Variants in MPHOSPH9 observed in about 807,000 individuals in gnomAD.
The protein encoded by MPHOSPH9 is M-phase phosphoprotein 9.
A neutral mutation model predicts 145.5 loss-of-function variants in MPHOSPH9; 88 were observed. The observed-to-expected ratio is 0.60, with a 90% CI of 0.51 to 0.72. The LOEUF is 0.72. MPHOSPH9 is among the 30% of genes least tolerant of loss of function. The pLI is 0.00. For missense variants in MPHOSPH9, 1,238 were observed against 1,386.6 expected (o/e 0.89, Z 1.70); for synonymous variants, 435 against 486.2 (o/e 0.89, Z 1.39).
Position 123,223,072 on chromosome 12 carries a change from A to G in MPHOSPH9, c.314T>C (p.Val105Ala), listed in dbSNP as rs2047280752. ...GTTGTGGAACTGCTCCTGCTGGGCAACTATCTGTTCTTGGCATTGTTTTTC... is the reference window on the plus strand; with the variant it reads ...GTTGTGGAACTGCTCCTGCTGGGCAGCTATCTGTTCTTGGCATTGTTTTTC... Reference protein sequence around the residue: ...LVEKQCQEQIVAQQEQFHNQI... With the variant: ...LVEKQCQEQIAAQQEQFHNQI... Residue 105 changes from valine to alanine, a missense_variant, in exon 4 of 24, where the codon GTT becomes GCT. Val to Ala is a moderately conservative substitution (Grantham distance 64). Coordinates refer to ENST00000606320, the MANE Select transcript of MPHOSPH9 (RefSeq NM_022782.4). 6.6e-7 allele frequency: 1 copy of G among 1,513,456 alleles called. No homozygotes were observed. The highest frequency in any genetic ancestry group is 1.4e-5 in the African/African-American group (1 of 71,786). The allele number at this position is 1,513,456 out of a possible 1,614,324, so 93.8% of individuals were successfully genotyped here.
chr12:123,178,193 C>T (rs536414429), intron 15 of MPHOSPH9, among the ~76,000 whole-genome samples: 10 of 152,326 alleles, frequency 6.6e-5, no homozygotes, highest in Non-Finnish European at 1.0e-4. Context: ...TGGTGCATAC[C>T]GCCATGCCTG....
chr12:123,198,280 A>C lies in MPHOSPH9; in HGVS notation c.1992T>G (p.Leu664=), dbSNP rs773107235. 6.2e-7 allele frequency: 1 copy of C among 1,611,946 alleles called. No homozygotes were observed. Among genetic ancestry groups the C allele is most frequent in the Non-Finnish European group, 8.5e-7 (1 of 1,178,834 alleles). Reference sequence around the variant, plus strand: ...TTTCCAGTAAGTTATTCTTATTTTCAAGTGTTCTCACGCGACTAGTAGCTT... The same window carrying C: ...TTTCCAGTAAGTTATTCTTATTTTCCAGTGTTCTCACGCGACTAGTAGCTT... The part of the protein sequence containing the change: ...LHEATSRVRT[L]ENKNNLLEIE... Residue 664 remains leucine (L), a synonymous_variant, in exon 12 of 24, where the codon CTT becomes CTG. Transcript: ENST00000606320.
intron 23 of MPHOSPH9, among the ~76,000 whole-genome samples, chr12:123,157,957 T>C (rs1044261145): frequency 6.6e-6 from 1 of 152,152 alleles, no homozygotes; most frequent in Non-Finnish European, 1.5e-5. Context: ...TTTTTCTGCA[T>C]ACATATATAT....
In MPHOSPH9 at chr12:123,179,977, G is replaced by T; in HGVS notation, c.2303C>A (p.Thr768Lys). 7.0e-7 allele frequency: 1 copy of T among 1,433,848 alleles called. No homozygotes were observed. Among genetic ancestry groups the T allele is most frequent in the Non-Finnish European group, 9.4e-7 (1 of 1,060,318 alleles). The allele number at this position is 1,433,848 out of a possible 1,614,324, so 88.8% of individuals were successfully genotyped here. The part of the protein sequence containing the change: ...EHRRVKDALN[T>K]TENKLLDAYT... ...TGCATCAAGCAATTTGTTCTCAGTT[G>T]TATTTAATGCATCCTATGGAAATAA... Residue 768 changes from threonine (T) to lysine (K), a missense_variant, in exon 15 of 24, where the codon ACA becomes AAA. This residue lies in a region of MPHOSPH9 where 837 missense variants were observed against 897.5 expected (regional missense o/e 0.93). Transcript: ENST00000606320.
chr12:123,183,407 G>T (rs2045284519), intron 13 of MPHOSPH9, among the ~76,000 whole-genome samples: 1 of 151,842 alleles, frequency 6.6e-6, no homozygotes, highest in African/African-American at 2.4e-5. Flanking sequence ...AATTAGTCAG[G>T]TGTGGTGGCA....
chr12:123,203,391 C>T lies in MPHOSPH9; in HGVS notation c.1195-16G>A. 1.3e-6 allele frequency: 2 copies of T among 1,564,294 alleles called. No homozygotes were observed. The highest frequency in any genetic ancestry group is 8.7e-7 in the Non-Finnish European group (1 of 1,152,478). On this transcript the variant is annotated splice_polypyrimidine_tract_variant and intron_variant, in intron 8 of 23. Transcript: ENST00000606320. ...TAGTATTAGACTTAAAGATACGAAA[C>T]AAAATTAAATGGTGTTATCAATAAT...
chr12:123,165,490 T>C lies in MPHOSPH9; in HGVS notation c.2592-13A>G. On this transcript the variant is annotated splice_polypyrimidine_tract_variant and intron_variant, in intron 17 of 23. Coordinates refer to ENST00000606320, the MANE Select transcript of MPHOSPH9 (RefSeq NM_022782.4). The stretch of plus-strand genomic sequence containing the variant: ...AGGTGAACGGTGCCTTAAACAATAA[T>C]TTTAAGACATACAGTGCTATGGACT... 5 of 1,609,534 alleles carry C rather than the reference T, an allele frequency of 3.1e-6. No homozygotes were observed. The highest frequency in any genetic ancestry group is 4.2e-6 in the Non-Finnish European group (5 of 1,177,440).
chr12:123,215,815 A>C (rs1485749738), intron 6 of MPHOSPH9, among the ~76,000 whole-genome samples: 1 of 152,230 alleles, frequency 6.6e-6, no homozygotes, highest in Admixed American at 6.5e-5. Flanking sequence ...CCATTGCCAA[A>C]GTAAAAGCAC....
At chr12:123,205,666 A>G (rs919176060) in intron 8 of MPHOSPH9, among the ~76,000 whole-genome samples, 1 of 152,154 alleles carries the variant, frequency 6.6e-6, no homozygotes, top group Non-Finnish European at 1.5e-5. Flanking sequence ...TACTCCAGCT[A>G]TGGCCACAGC....
intron 19 of MPHOSPH9, 94 bp from the exon 20 acceptor site, chr12:123,163,228 G>A: frequency 1.5e-6 from 2 of 1,299,570 alleles, no homozygotes; most frequent in Non-Finnish European, 1.0e-6. Context: ...ATTTTGAAAG[G>A]AATATAATTT....
chr12:123,219,278 T>C (rs923127699), intron 5 of MPHOSPH9, among the ~76,000 whole-genome samples: 3 of 151,776 alleles, frequency 2.0e-5, no homozygotes, highest in Admixed American at 1.3e-4. Context: ...CAATTTCTTA[T>C]TATCAAAGGC....
rs1161727056 is a variant in MPHOSPH9 at position 123,172,871 on chromosome 12, CTTT to C, written c.2456+3814_2456+3816del. On this transcript the variant is annotated intron_variant, in intron 16 of 23. Transcript: ENST00000606320. ...TGTTAGACTTTCAGGTTTTCATTCA[CTTT>C]TTTTTTTTTTTTTTTTTTTTTTTTT... Among the ~76,000 whole-genome samples, 9 of 57,962 alleles carry C rather than the reference CTTT, an allele frequency of 1.6e-4. No homozygotes were observed. The East Asian group carries it at 3.5e-3, about 23-fold the overall frequency. 38.0% of individuals were successfully genotyped at this position (57,962 alleles called of 152,430 possible).
chr12:123,172,252 T>C (rs973115235), intron 16 of MPHOSPH9, among the ~76,000 whole-genome samples: 1 of 152,216 alleles, frequency 6.6e-6, no homozygotes, highest in African/African-American at 2.4e-5. Flanking sequence ...AAAGCTGCCG[T>C]AGATGCTATG....
intron 8 of MPHOSPH9, among the ~76,000 whole-genome samples, chr12:123,206,795 T>A (rs1487759640): frequency 6.6e-6 from 1 of 151,894 alleles, no homozygotes; most frequent in East Asian, 1.9e-4. Flanking sequence ...ATGCCTGTAG[T>A]CCTAGCTACT....
intron 16 of MPHOSPH9, among the ~76,000 whole-genome samples, chr12:123,171,450 C>T (rs937785868): frequency 6.8e-6 from 1 of 147,202 alleles, no homozygotes; most frequent in Non-Finnish European, 1.5e-5. Context: ...GAGACTTTGT[C>T]TCTAAAATAA....
At chr12:123,204,976 A>T (rs2046365366) in intron 8 of MPHOSPH9, among the ~76,000 whole-genome samples, 1 of 152,296 alleles carries the variant, frequency 6.6e-6, no homozygotes, top group East Asian at 1.9e-4. Flanking sequence ...TCTAAACACT[A>T]AAACTTTGGG....
intron 8 of MPHOSPH9, among the ~76,000 whole-genome samples, chr12:123,203,900 TAGTCTCAAACTCCTGAGCTCAAGCAATCC>T (rs1291016396): frequency 4.6e-5 from 7 of 152,168 alleles, no homozygotes; most frequent in Non-Finnish European, 8.8e-5. Context: ...TTGCCCAGGC[TAGTCTCAAACTCCTGAGCTCAAGCAATCC>T]TCCCACCTTA....
At chr12:123,227,301 T>A (rs934882466) in intron 3 of MPHOSPH9, among the ~76,000 whole-genome samples, 162 bp downstream of exon 3, 1 of 152,218 alleles carries the variant, frequency 6.6e-6, no homozygotes, top group Non-Finnish European at 1.5e-5. Context: ...CTTTTTCCCA[T>A]TCATTCAATA....
intron 7 of MPHOSPH9, 78 bp from the exon 8 acceptor site, chr12:123,210,240 A>C: frequency 1.3e-6 from 1 of 750,276 alleles, no homozygotes; most frequent in Non-Finnish European, 2.0e-6. Context: ...TTTCTACCTA[A>C]AGGAAATTAA....
Sources: allele counts gnomAD v4.1 joint callset (sites outside exome capture counted in the v4.1 genomes callset), GRCh38; gene constraint gnomAD v4.1.1; regional missense constraint gnomAD v4.1.1; transcripts MANE v1.5; gene names NCBI Gene and HGNC (gene_info 2026-07-23, HGNC 2026-07-21).